DLG2: variants seen among roughly 807,000 people sequenced by gnomAD.
DLG2 encodes discs large MAGUK scaffold protein 2, also known as disks large homolog 2.
In DLG2, 45 loss-of-function variants were observed where a neutral mutation model predicts 132.5. The ratio of observed to expected loss-of-function variants is 0.34; its 90% CI spans 0.27 to 0.44. The LOEUF (loss-of-function observed/expected upper bound fraction) is 0.44, where lower values mean the gene tolerates loss of function less well. Ranked by LOEUF, DLG2 falls within the 20% of genes least tolerant of loss-of-function variation. The pLI, the probability that DLG2 is intolerant of heterozygous loss-of-function variation, is 1.00. For missense variants in DLG2, 1,045 were observed against 1,196.9 expected (o/e 0.87, Z 1.87); for synonymous variants, 424 against 419.6 (o/e 1.01, Z -0.13).
intron 18 of DLG2, among the ~76,000 whole-genome samples, chr11:83,649,064 G>C (rs144291184): frequency 0.012 from 1,767 of 152,194 alleles, 34 homozygotes; most frequent in African/African-American, 0.035. Context: ...TAAAAGCTTG[G>C]ATTAGAGACC....
At chr11:83,783,547 C>G (rs1004481521) in intron 18 of DLG2, among the ~76,000 whole-genome samples, 4 of 152,120 alleles carry the variant, frequency 2.6e-5, no homozygotes, top group African/African-American at 9.7e-5. Context: ...TAATTACCTT[C>G]AAGTGAAAAC....
chr11:84,782,975 G>A (rs1235691467), intron 6 of DLG2, among the ~76,000 whole-genome samples: 1 of 151,926 alleles, frequency 6.6e-6, no homozygotes, highest in Non-Finnish European at 1.5e-5. Flanking sequence ...TCAACCTTTA[G>A]TCCTTCCTAT....
chr11:84,720,283 A>T (rs2061662602), intron 6 of DLG2: 1 of 985,338 alleles, frequency 1.0e-6, no homozygotes. Context: ...AAAAGACATG[A>T]ACCTCTTCCT....
chr11:84,808,186 A>T (rs538907416), intron 6 of DLG2, among the ~76,000 whole-genome samples: 2 of 152,202 alleles, frequency 1.3e-5, no homozygotes, highest in East Asian at 3.9e-4. Flanking sequence ...AACACAAAGA[A>T]AAATCTCCAA....
intron 18 of DLG2, among the ~76,000 whole-genome samples, chr11:83,776,682 C>T (rs2094594886): frequency 6.6e-6 from 1 of 152,178 alleles, no homozygotes; most frequent in South Asian, 2.1e-4. Flanking sequence ...TCCCACATTC[C>T]CTGGTTTGCT....
chr11:85,358,826 A>G (rs2083932597), intron 3 of DLG2, among the ~76,000 whole-genome samples: 1 of 152,220 alleles, frequency 6.6e-6, no homozygotes, highest in Non-Finnish European at 1.5e-5. Context: ...CCTTCTCTTT[A>G]TAAGACAATG....
intron 19 of DLG2, among the ~76,000 whole-genome samples, chr11:83,566,712 GGTGTGTGTGTGTGTGTGTGT>G (rs59829516): frequency 5.5e-4 from 79 of 144,042 alleles, no homozygotes; most frequent in African/African-American, 1.7e-3. Flanking sequence ...CAGAGGGCAT[GGTGTGTGTGTGTGTGTGTGT>G]GTGTGTGTGT....
intron 9 of DLG2, among the ~76,000 whole-genome samples, chr11:84,155,865 A>G (rs992137179): frequency 6.6e-6 from 1 of 152,118 alleles, no homozygotes; most frequent in East Asian, 1.9e-4. Flanking sequence ...AGGAGTTTAA[A>G]CCTTATCCTA....
At chr11:85,548,109 C>T (rs937283846) in intron 3 of DLG2, among the ~76,000 whole-genome samples, 1 of 152,130 alleles carries the variant, frequency 6.6e-6, no homozygotes, top group Non-Finnish European at 1.5e-5. Context: ...TGTTTTCTCC[C>T]CATCTTCATG....
chr11:85,291,602 T>TTA (rs2078897154), intron 3 of DLG2, among the ~76,000 whole-genome samples: 1 of 147,648 alleles, frequency 6.8e-6, no homozygotes, highest in African/African-American at 2.5e-5. Flanking sequence ...TTTTTTTTTT[T>TTA]AAGACAGAGT....
rs544768327 is a variant in DLG2, at chr11:83,885,717, A to G, written c.1497-11229T>C. 4.6e-5 allele frequency among the ~76,000 whole-genome samples: 7 copies of G among 152,358 alleles called. 1 individual carries two copies. The highest frequency in any genetic ancestry group is 4.6e-4 in the Admixed American group (7 of 15,306). On this transcript the variant is annotated intron_variant, in intron 15 of 27. Coordinates refer to ENST00000376104, the MANE Select transcript of DLG2 (RefSeq NM_001142699.3). ...CAGAGAGAAAGGTCGGGTTACCCACAAAGGGAAGCCCATCAGACTAACAGC... is the reference window on the plus strand; with the variant it reads ...CAGAGAGAAAGGTCGGGTTACCCACGAAGGGAAGCCCATCAGACTAACAGC...
chr11:84,313,533 AAAGG>A (rs1295106869), intron 7 of DLG2, among the ~76,000 whole-genome samples: 18 of 113,828 alleles, frequency 1.6e-4, no homozygotes, highest in African/African-American at 2.4e-4. Flanking sequence ...AGAGAGGAAG[AAAGG>A]AAGGAAGGAA....
At chr11:83,998,493 A>C (rs2094167258) in intron 11 of DLG2, among the ~76,000 whole-genome samples, 1 of 152,184 alleles carries the variant, frequency 6.6e-6, no homozygotes, top group Non-Finnish European at 1.5e-5. Flanking sequence ...AGCAAAGAAG[A>C]AAAAGGAAGC....
rs1021605397 is a variant in DLG2 at position 84,757,869 on chromosome 11, T to C, written c.358-223138A>G. ...CGTGCAGCCTGGGGGAATCACCTGG[T>C]AAAGTCGGCAAACCTGTGAAGTCTC... is the stretch of plus-strand genomic sequence containing the variant. On this transcript the variant is annotated intron_variant, in intron 6 of 27. Transcript: ENST00000376104. Among the ~76,000 whole-genome samples, 7 of 152,154 alleles carry C rather than the reference T, an allele frequency of 4.6e-5. No individual in the cohort carries two copies. The East Asian group carries it at 1.4e-3, about 29-fold the overall frequency.
intron 21 of DLG2, among the ~76,000 whole-genome samples, chr11:83,504,977 C>T (rs1334542266): frequency 8.6e-6 from 1 of 116,294 alleles, no homozygotes; most frequent in African/African-American, 3.1e-5. Flanking sequence ...CATGAGCAGC[C>T]ACACTTCTTT....
At chr11:85,478,718 T>C (rs1048132565) in intron 3 of DLG2, among the ~76,000 whole-genome samples, 11 of 152,216 alleles carry the variant, frequency 7.2e-5, no homozygotes, top group Admixed American at 1.3e-4. Context: ...CCTGTTATGA[T>C]GGTGGTTCTA....
At chr11:85,424,123 G>A (rs1239512172) in intron 3 of DLG2, among the ~76,000 whole-genome samples, 1 of 152,110 alleles carries the variant, frequency 6.6e-6, no homozygotes, top group South Asian at 2.1e-4. Context: ...TTGCTTGGCT[G>A]TCTACACTGA....
intron 6 of DLG2, among the ~76,000 whole-genome samples, chr11:85,030,291 G>A (rs1409565686): frequency 6.6e-6 from 1 of 152,174 alleles, no homozygotes; most frequent in Non-Finnish European, 1.5e-5. Flanking sequence ...GTCAGTAAAT[G>A]GAGTATATTG....
chr11:84,066,223 A>T (rs1009530680), intron 10 of DLG2, among the ~76,000 whole-genome samples: 10 of 152,194 alleles, frequency 6.6e-5, no homozygotes, highest in African/African-American at 2.4e-4. Flanking sequence ...CTAAAGGTTT[A>T]AAAAAAGAAA....
Sources: gnomAD v4.1 joint callset for allele counts (sites outside exome capture counted in the v4.1 genomes callset) on GRCh38, gnomAD v4.1.1 for gene constraint, MANE v1.5 for transcripts, NCBI Gene and HGNC (gene_info 2026-07-23, HGNC 2026-07-21) for gene names.